Variants in SYT14 observed in about 807,000 individuals in gnomAD.
SYT14 encodes synaptotagmin 14.
SYT14 carries 32 observed loss-of-function variants against 74.2 expected under a neutral mutation model. The observed-to-expected ratio is 0.43, with a 90% confidence interval of 0.33 to 0.58. The LOEUF is 0.58. Among genes scored for constraint, SYT14 ranks in the 20% least tolerant of loss-of-function variants. The pLI, the probability that SYT14 is intolerant of heterozygous loss-of-function variation, is 0.05. For synonymous variants in SYT14, 298 were observed against 337.7 expected (o/e 0.88, Z 1.29); for missense variants, 791 against 981.8 (o/e 0.81, Z 2.60).
intron 5 of SYT14, among the ~76,000 whole-genome samples, chr1:210,087,081 G>A (rs2081749443): frequency 6.6e-6 from 1 of 152,076 alleles, no homozygotes; most frequent in Non-Finnish European, 1.5e-5. Context: ...TCTGATATCC[G>A]AGGTCAGCTT....
At chr1:209,938,657 G>T (rs1177583787) in intron 1 of SYT14, among the ~76,000 whole-genome samples, 2 of 152,140 alleles carry the variant, frequency 1.3e-5, no homozygotes, top group Admixed American at 1.3e-4. Flanking sequence ...GGCCACGGGG[G>T]GCTCAGGCTG....
intron 7 of SYT14, among the ~76,000 whole-genome samples, chr1:210,143,021 CT>C (rs759994731): frequency 1.3e-5 from 2 of 152,158 alleles, no homozygotes; most frequent in Non-Finnish European, 2.9e-5. Flanking sequence ...ACAGGTAGAA[CT>C]ACTCCTAGCT....
exon 7 of SYT14, chr1:210,100,134 A>G: frequency 1.2e-6 from 2 of 1,614,104 alleles, no homozygotes; most frequent in Non-Finnish European, 1.7e-6. Flanking sequence ...AGCTTCTGGT[A>G]ACAGTGACAG....
exon 4 of SYT14, chr1:210,016,943 G>A: frequency 1.6e-6 from 2 of 1,231,738 alleles, no homozygotes; most frequent in Non-Finnish European, 2.0e-6. Context: ...TAATTCTAAA[G>A]ATAAGTTATC....
intron 5 of SYT14, among the ~76,000 whole-genome samples, chr1:210,083,473 C>CT (rs2081657044): frequency 6.6e-6 from 1 of 152,096 alleles, no homozygotes. Context: ...AGTGTAGTGG[C>CT]ACAATCATAG....
intron 2 of SYT14, among the ~76,000 whole-genome samples, chr1:209,994,472 T>C (rs1375083549): frequency 1.3e-5 from 2 of 152,096 alleles, no homozygotes; most frequent in Non-Finnish European, 2.9e-5. Context: ...GAAAAAAACC[T>C]CTGAGAAATA....
chr1:210,129,600 T>A (rs112999561), intron 7 of SYT14, among the ~76,000 whole-genome samples: 1 of 152,234 alleles, frequency 6.6e-6, no homozygotes, highest in East Asian at 1.9e-4. Flanking sequence ...ATTTAAACTT[T>A]CTTGATAATA....
intron 5 of SYT14, among the ~76,000 whole-genome samples, chr1:210,089,969 T>G (rs1335167308): frequency 2.6e-5 from 4 of 152,218 alleles, no homozygotes; most frequent in Admixed American, 2.0e-4. Flanking sequence ...CTTGGCTACA[T>G]CCTATGTAAT....
chr1:209,950,110 A>G (rs1399491701), intron 1 of SYT14, among the ~76,000 whole-genome samples: 1 of 152,182 alleles, frequency 6.6e-6, no homozygotes, highest in Non-Finnish European at 1.5e-5. Flanking sequence ...GGTAAAACCT[A>G]ATCAATTTAT....
At chr1:210,163,522 A>G (rs1235416561) in exon 10 of SYT14, 1 of 453,572 alleles carries the variant, frequency 2.2e-6, no homozygotes, top group South Asian at 1.6e-5. Context: ...TGTAAAGGCA[A>G]AGGTGCCCTG....
At chr1:210,023,607 G>C in intron 5 of SYT14, among the ~76,000 whole-genome samples, 1 of 152,164 alleles carries the variant, frequency 6.6e-6, no homozygotes, top group East Asian at 1.9e-4. Context: ...CTCCCAAAGT[G>C]CTGGGATTAC....
At chr1:210,093,919 T>C (rs1371244545) in intron 5 of SYT14, among the ~76,000 whole-genome samples, 3 of 152,322 alleles carry the variant, frequency 2.0e-5, no homozygotes, top group Admixed American at 1.3e-4. Flanking sequence ...AGAGGTATTA[T>C]TATGTTTGTT....
At chr1:209,998,482 C>T (rs915372594) in intron 2 of SYT14, among the ~76,000 whole-genome samples, 6 of 151,542 alleles carry the variant, frequency 4.0e-5, no homozygotes, top group African/African-American at 1.5e-4. Flanking sequence ...AAAAAAATAC[C>T]CCAAATAGTC....
intron 7 of SYT14, among the ~76,000 whole-genome samples, chr1:210,114,843 G>C (rs1042978228): frequency 5.3e-5 from 8 of 151,028 alleles, no homozygotes; most frequent in African/African-American, 2.0e-4. Context: ...GAATGAGGAA[G>C]AATTGGGACC....
At chr1:210,112,700 C>T (rs535138325) in intron 7 of SYT14, among the ~76,000 whole-genome samples, 1 of 151,374 alleles carries the variant, frequency 6.6e-6, no homozygotes, top group Non-Finnish European at 1.5e-5. Context: ...ACTCCAGCTT[C>T]CTTTGGAAGT....
chr1:210,008,986 A>G (rs1469109835), intron 2 of SYT14, among the ~76,000 whole-genome samples: 1 of 152,182 alleles, frequency 6.6e-6, no homozygotes, highest in East Asian at 1.9e-4. Flanking sequence ...GTCTTGGGCC[A>G]CACATAAAAT....
At chr1:210,072,328 A>G (rs2081410715) in intron 5 of SYT14, among the ~76,000 whole-genome samples, 1 of 151,966 alleles carries the variant, frequency 6.6e-6, no homozygotes, top group Admixed American at 6.6e-5. Context: ...TCAGAGGCAT[A>G]GAGTGAGCCA....
intron 5 of SYT14, among the ~76,000 whole-genome samples, chr1:210,045,126 T>C (rs2080861256): frequency 6.6e-6 from 1 of 152,212 alleles, no homozygotes; most frequent in African/African-American, 2.4e-5. Flanking sequence ...TCCAGGTATT[T>C]AGACTTGAAT....
intron 5 of SYT14, among the ~76,000 whole-genome samples, chr1:210,043,459 TA>T (rs891509256): frequency 1.1e-4 from 17 of 151,342 alleles, no homozygotes; most frequent in African/African-American, 3.6e-4. Context: ...AATATGTGTG[TA>T]AAAAAAAATA....
Sources: gnomAD v4.1 joint callset for allele counts (sites outside exome capture counted in the v4.1 genomes callset) on GRCh38, gnomAD v4.1.1 for gene constraint, MANE v1.5 for transcripts, NCBI Gene and HGNC (gene_info 2026-07-23, HGNC 2026-07-21) for gene names.